ZBBX: variants seen among roughly 807,000 people sequenced by gnomAD.
ZBBX encodes zinc finger B-box domain-containing protein 1.
In ZBBX, 101 loss-of-function variants were observed where a neutral mutation model predicts 108.5. The ratio of observed to expected loss-of-function variants is 0.93; its 90% CI spans 0.79 to 1.10. The LOEUF (loss-of-function observed/expected upper bound fraction) is 1.10, where lower values mean the gene tolerates loss of function less well. Ranked by LOEUF, ZBBX falls within the 50% of genes least tolerant of loss-of-function variation. The pLI, the probability that ZBBX is intolerant of heterozygous loss-of-function variation, is 0.00. For synonymous variants in ZBBX, 356 were observed against 323.4 expected (o/e 1.10, Z -1.08); for missense variants, 1,009 against 941.4 (o/e 1.07, Z -0.94).
At chr3:167,278,366 GA>G in intron 20 of ZBBX, among the ~76,000 whole-genome samples, 1 of 149,828 alleles carries the variant, frequency 6.7e-6, no homozygotes, top group Middle Eastern at 3.2e-3. Flanking sequence ...GACTAATAAA[GA>G]AAAAAAGAGA....
In ZBBX at chr3:167,359,973, A is replaced by C. The variant is rs1374655537; in HGVS notation, c.329T>G (p.Val110Gly). 2.5e-6 allele frequency: 4 copies of C among 1,571,368 alleles called. No individual in the cohort carries two copies. In the East Asian group the frequency reaches 9.1e-5, roughly 36 times the overall value. ...KLLKEQIQEP[V>G]KPTVNYKMAN... ...CATTTTATAATTAACTGTTGGTTTC[A>C]CTGGCTCTGCAAGATAAAAAATAAT... The change falls in exon 8 of 22, where the codon GTG becomes GGG. Residue 110 changes from valine to glycine, a missense_variant. Physicochemically the swap from Val to Gly is moderately radical, Grantham distance 109 (BLOSUM62 -3). Coordinates refer to ENST00000675490, the MANE Select transcript of ZBBX (RefSeq NM_001199201.2).
intron 9 of ZBBX, among the ~76,000 whole-genome samples, chr3:167,336,832 C>A (rs139401118): frequency 7.2e-4 from 109 of 152,252 alleles, no homozygotes; most frequent in African/African-American, 2.6e-3. Context: ...TGTTTCTTTG[C>A]TTTTAACTTA....
the ZBBX span, among the ~76,000 whole-genome samples, chr3:167,215,259 A>C: frequency 1.3e-5 from 2 of 152,148 alleles, no homozygotes; most frequent in Non-Finnish European, 2.9e-5. Context: ...AAAAGAGAGA[A>C]GATCCAAATA....
chr3:167,267,025 TA>T (rs1289748024), intron 20 of ZBBX, among the ~76,000 whole-genome samples: 12 of 152,126 alleles, frequency 7.9e-5, no homozygotes, highest in African/African-American at 2.9e-4. Flanking sequence ...AGCGACCAGG[TA>T]AACTCTGTGC....
At chr3:167,190,793 G>GT in the ZBBX span, among the ~76,000 whole-genome samples, 1 of 152,210 alleles carries the variant, frequency 6.6e-6, no homozygotes, top group Non-Finnish European at 1.5e-5. Flanking sequence ...ATGAGTTGAG[G>GT]TGGGGGCACA....
the ZBBX span, among the ~76,000 whole-genome samples, chr3:167,194,053 T>C: frequency 6.6e-6 from 1 of 151,946 alleles, no homozygotes; most frequent in Non-Finnish European, 1.5e-5. Context: ...GTTCAATAAC[T>C]GGTAGGGTGA....
chr3:167,329,220 T>A, intron 10 of ZBBX, among the ~76,000 whole-genome samples: 1 of 152,148 alleles, frequency 6.6e-6, no homozygotes. Context: ...AACAGCCACA[T>A]TAGGAAACCC....
intron 16 of ZBBX, among the ~76,000 whole-genome samples, chr3:167,312,765 T>C (rs1734809165): frequency 6.6e-6 from 1 of 152,194 alleles, no homozygotes. Context: ...CATGTGGCTG[T>C]ACTTTATATT....
intron 9 of ZBBX, among the ~76,000 whole-genome samples, chr3:167,338,504 T>C (rs962510889): frequency 6.6e-5 from 10 of 150,598 alleles, no homozygotes; most frequent in Non-Finnish European, 8.8e-5. Flanking sequence ...CATGTTGACA[T>C]AGCCATATCT....
rs1298618695 is a variant in ZBBX at position 167,239,889 on chromosome 3, T to C, written c.*904A>G. Among the ~76,000 whole-genome samples the C allele has an allele frequency of 6.6e-6, 1 of 152,082 alleles. No individual in the cohort carries two copies. The highest frequency in any genetic ancestry group is 2.4e-5 in the African/African-American group (1 of 41,416). On this transcript the variant is annotated 3_prime_UTR_variant, in exon 22 of 22. Coordinates refer to ENST00000675490, the MANE Select transcript of ZBBX (RefSeq NM_001199201.2). ...TTAATTGACTCACAGTTCAGCATGG[T>C]GGGGGAGGCCTCAGGAAATCATGGT...
the ZBBX span, among the ~76,000 whole-genome samples, chr3:167,180,262 C>A: frequency 6.6e-6 from 1 of 152,184 alleles, no homozygotes; most frequent in Admixed American, 6.5e-5. Flanking sequence ...GCTAGTGAGA[C>A]TAGGATCTCC....
chr3:167,386,629 T>C (rs919695808), intron 1 of ZBBX, among the ~76,000 whole-genome samples: 1 of 152,076 alleles, frequency 6.6e-6, no homozygotes, highest in Non-Finnish European at 1.5e-5. Context: ...TGCTTTAAGT[T>C]TAGCTGTGCC....
the ZBBX span, among the ~76,000 whole-genome samples, chr3:167,207,690 A>C: frequency 6.6e-6 from 1 of 152,294 alleles, no homozygotes; most frequent in South Asian, 2.1e-4. Context: ...CATAAGTAGG[A>C]GCTAAAAAAT....
At chr3:167,402,243 A>G (rs950856472) in intron 1 of ZBBX, among the ~76,000 whole-genome samples, 1 of 152,184 alleles carries the variant, frequency 6.6e-6, no homozygotes, top group Admixed American at 6.6e-5. Context: ...TGCATCTCCC[A>G]TATTCTCCCC....
chr3:167,199,582 G>C, the ZBBX span, among the ~76,000 whole-genome samples: 1 of 152,138 alleles, frequency 6.6e-6, no homozygotes, highest in African/African-American at 2.4e-5. Flanking sequence ...AAAAGGTCTT[G>C]TTACATACAC....
At chr3:167,334,733 T>C (rs955949925) in intron 9 of ZBBX, among the ~76,000 whole-genome samples, 6 of 151,984 alleles carry the variant, frequency 3.9e-5, no homozygotes, top group Admixed American at 2.0e-4. Context: ...CCCAAATAGA[T>C]AGATGCGATA....
At chr3:167,335,713 A>C (rs1739434595) in intron 9 of ZBBX, among the ~76,000 whole-genome samples, 1 of 151,690 alleles carries the variant, frequency 6.6e-6, no homozygotes, top group African/African-American at 2.4e-5. Flanking sequence ...GATTCATTGC[A>C]GTCTGATTCT....
At chr3:167,404,373 G>A (rs1380217257) in intron 1 of ZBBX, among the ~76,000 whole-genome samples, 1 of 152,102 alleles carries the variant, frequency 6.6e-6, no homozygotes, top group African/African-American at 2.4e-5. Context: ...AGTTATAGTA[G>A]GAAATTGTAT....
At chr3:167,383,268 C>T (rs1372281414), upstream of ZBBX, among the ~76,000 whole-genome samples, 6 of 152,024 alleles carry the variant, frequency 3.9e-5, no homozygotes, top group East Asian at 9.6e-4. Context: ...TTCCTACCAT[C>T]TCCTTTTTTA....
Sources: gnomAD v4.1 joint callset for allele counts (sites outside exome capture counted in the v4.1 genomes callset) on GRCh38, gnomAD v4.1.1 for gene constraint, MANE v1.5 for transcripts, NCBI Gene and HGNC (gene_info 2026-07-23, HGNC 2026-07-21) for gene names.